Variants in LHX4 observed in about 807,000 individuals in gnomAD.
The protein encoded by LHX4 is LIM homeobox 4.
Under a neutral mutation model 39.2 loss-of-function variants are expected in LHX4, and 16 were observed. The ratio of observed to expected loss-of-function variants is 0.41; its 90% CI spans 0.28 to 0.62. LHX4 has a LOEUF of 0.62. Ranked by LOEUF, LHX4 falls within the 20% of genes least tolerant of loss-of-function variation. The pLI, the probability that LHX4 is intolerant of heterozygous loss-of-function variation, is 0.33. For missense variants in LHX4, 439 were observed against 511.9 expected, an observed-to-expected ratio of 0.86 and a Z score of 1.37; for synonymous variants, 206 against 198.1, an observed-to-expected ratio of 1.04 and a Z score of -0.33.
At chr1:180,240,203 A>G (rs1664415371) in intron 1 of LHX4, among the ~76,000 whole-genome samples, 1 of 152,200 alleles carries the variant, frequency 6.6e-6, no homozygotes. Context: ...ATTCCCTTTT[A>G]AAATTATTAT....
Position 180,266,365 on chromosome 1 carries a change from C to T in LHX4, c.249-27C>T. 6.2e-7 allele frequency: 1 copy of T among 1,612,976 alleles called. No homozygotes were observed. The highest frequency in any genetic ancestry group is 1.1e-5 in the South Asian group (1 of 91,046). On this transcript the variant is annotated intron_variant, in intron 2 of 5. Coordinates refer to ENST00000263726, the MANE Select transcript of LHX4 (RefSeq NM_033343.4). The surrounding 1 kb of genome is among the most constrained non-coding windows in gnomAD (Gnocchi z 5.7). ...GCCAGATCCCTTGCTCCCTGTGTGC[C>T]CTAATCCTTTCCTGCTGCCCTGACA...
chr1:180,248,162 T>A, intron 1 of LHX4, 123 bp from the exon 2 acceptor site: 1 of 854,056 alleles, frequency 1.2e-6, no homozygotes, highest in Non-Finnish European at 2.0e-6. Flanking sequence ...ATGCAACAGC[T>A]CTGCGGTTTG....
At chr1:180,238,510 G>A (rs1485073992) in intron 1 of LHX4, among the ~76,000 whole-genome samples, 3 of 152,172 alleles carry the variant, frequency 2.0e-5, no homozygotes, top group South Asian at 2.1e-4. Context: ...CCTTCAATGC[G>A]ATGCTAATTT....
chr1:180,230,472 C>T lies in LHX4; in HGVS notation c.-58C>T, dbSNP rs983247859. On this transcript the variant is annotated 5_prime_UTR_variant, in exon 1 of 6. Coordinates refer to ENST00000263726, the MANE Select transcript of LHX4 (RefSeq NM_033343.4). This position sits in a 1 kb window ranked among gnomAD's most constrained non-coding sequence, Gnocchi z 5.8. ...ATTATTTTGAAATTTCTGAATCGAGCTAGAGCGAGAGAGCGAGAGATCTCC... is the reference window on the plus strand; with the variant it reads ...ATTATTTTGAAATTTCTGAATCGAGTTAGAGCGAGAGAGCGAGAGATCTCC... 1 of 1,415,846 alleles carries T rather than the reference C, an allele frequency of 7.1e-7. No homozygotes were observed. Among genetic ancestry groups the T allele is most frequent in the African/African-American group, 1.4e-5 (1 of 71,138 alleles). The allele number at this position is 1,415,846 out of a possible 1,614,324, so 87.7% of individuals were successfully genotyped here. A position where few individuals can be genotyped will look rare whatever the true frequency, so the allele number is the denominator to read the frequency against.
rs1246010424 is a variant in LHX4 at position 180,239,698 on chromosome 1, G to A, written c.77-8587G>A. Among the ~76,000 whole-genome samples, 9 of 152,330 alleles carry A rather than the reference G, an allele frequency of 5.9e-5. No individual in the cohort carries two copies. The South Asian group carries it at 8.3e-4, about 14-fold the overall frequency. The stretch of plus-strand genomic sequence containing the variant: ...TCGGCCTCAAACTGTGTACCCGTAG[G>A]GAAGCCCCTTATTCTCAGAACCTTT... On this transcript the variant is annotated intron_variant, in intron 1 of 5. Coordinates refer to ENST00000263726, the MANE Select transcript of LHX4 (RefSeq NM_033343.4).
chr1:180,266,789 G>A lies in LHX4; in HGVS notation c.451+195G>A, dbSNP rs115179436. On this transcript the variant is annotated intron_variant, in intron 3 of 5. Coordinates refer to ENST00000263726, the MANE Select transcript of LHX4 (RefSeq NM_033343.4). This position sits in a 1 kb window ranked among gnomAD's most constrained non-coding sequence, Gnocchi z 5.7. ...AACACCTCCCCGGCCGTTAGCACTCGCCGGCTTCATGGAAGTGTTCATCCA... is the reference window on the plus strand; with the variant it reads ...AACACCTCCCCGGCCGTTAGCACTCACCGGCTTCATGGAAGTGTTCATCCA... Among the ~76,000 whole-genome samples the A allele has an allele frequency of 0.013, 2,044 of 152,282 alleles. 22 individuals carry two copies. Among genetic ancestry groups the A allele is most frequent in the Non-Finnish European group, 0.02 (1,366 of 68,008 alleles).
rs540263106 is a variant in LHX4, at chr1:180,247,211, T to TG, written c.77-1072dup. Among the ~76,000 whole-genome samples the TG allele has an allele frequency of 5.9e-5, 9 of 152,264 alleles. No individual in the cohort carries two copies. In the East Asian group the frequency reaches 1.7e-3, roughly 29 times the overall value. ...ACTATCAAATTCGCAAGCAATCCCTTGGAAAGATGGGATGGTGGAGAAACA... is the reference window on the plus strand; with the variant it reads ...ACTATCAAATTCGCAAGCAATCCCTTGGGAAAGATGGGATGGTGGAGAAACA... On this transcript the variant is annotated intron_variant, in intron 1 of 5. Coordinates refer to ENST00000263726, the MANE Select transcript of LHX4 (RefSeq NM_033343.4).
rs562884353 is a variant in LHX4 at position 180,243,050 on chromosome 1, G to A, written c.77-5235G>A. On this transcript the variant is annotated intron_variant, in intron 1 of 5. Coordinates refer to ENST00000263726, the MANE Select transcript of LHX4 (RefSeq NM_033343.4). ...GTCATCCAGGCTGGAGTGCAGGGGC[G>A]CTATCTGGGCTCACTGCAATTTCCA... 2.6e-5 allele frequency among the ~76,000 whole-genome samples: 4 copies of A among 152,162 alleles called. No individual in the cohort carries two copies. The South Asian group carries it at 6.2e-4, about 24-fold the overall frequency.
intron 2 of LHX4, among the ~76,000 whole-genome samples, chr1:180,249,074 G>A (rs992207501): frequency 6.6e-5 from 10 of 152,306 alleles, no homozygotes; most frequent in Admixed American, 2.0e-4. Context: ...ACTTATTGGC[G>A]GTGTGCTCTT....
At chr1:180,244,221 G>T (rs1007755643) in intron 1 of LHX4, among the ~76,000 whole-genome samples, 1 of 152,096 alleles carries the variant, frequency 6.6e-6, no homozygotes, top group African/African-American at 2.4e-5. Flanking sequence ...AATTATCTTT[G>T]TTTAATCCCC....
intron 2 of LHX4, among the ~76,000 whole-genome samples, chr1:180,257,437 C>A (rs908783413): frequency 7.9e-5 from 12 of 152,144 alleles, no homozygotes; most frequent in Non-Finnish European, 1.6e-4. Context: ...GGCTGTGTCC[C>A]CAGCCCCCGA....
At chr1:180,257,142 G>A (rs528563308) in intron 2 of LHX4, among the ~76,000 whole-genome samples, 5 of 152,262 alleles carry the variant, frequency 3.3e-5, no homozygotes, top group South Asian at 2.1e-4. Context: ...CCAAATGGAC[G>A]GGAGAGTTGG....
chr1:180,236,295 A>T (rs1463810809), intron 1 of LHX4, among the ~76,000 whole-genome samples: 2 of 152,200 alleles, frequency 1.3e-5, no homozygotes, highest in African/African-American at 4.8e-5. Flanking sequence ...TTGTATTTTG[A>T]ACAGTGACCC....
chr1:180,255,676 TC>T (rs1409741168), intron 2 of LHX4, among the ~76,000 whole-genome samples: 3 of 152,048 alleles, frequency 2.0e-5, no homozygotes, highest in African/African-American at 7.2e-5. Context: ...GCCCCGAAGC[TC>T]CCCCAGGGAC....
intron 2 of LHX4, among the ~76,000 whole-genome samples, chr1:180,259,813 G>A (rs549788180): frequency 1.3e-5 from 2 of 151,804 alleles, no homozygotes; most frequent in Non-Finnish European, 2.9e-5. Flanking sequence ...AGCCCAAGGG[G>A]AAGGGCAGTC....
At chr1:180,261,187 C>T (rs1317784631) in intron 2 of LHX4, among the ~76,000 whole-genome samples, 2 of 147,196 alleles carry the variant, frequency 1.4e-5, no homozygotes, top group Admixed American at 6.7e-5. Context: ...GCAGGTGTGT[C>T]GGGAGGCTCG....
chr1:180,245,350 C>G (rs1442731849), intron 1 of LHX4, among the ~76,000 whole-genome samples: 1 of 152,238 alleles, frequency 6.6e-6, no homozygotes, highest in East Asian at 1.9e-4. Context: ...CATGTGTCAC[C>G]TCCTCACCAA....
chr1:180,250,246 T>A (rs1647564856), intron 2 of LHX4, among the ~76,000 whole-genome samples: 1 of 152,078 alleles, frequency 6.6e-6, no homozygotes, highest in Admixed American at 6.6e-5. Context: ...TGCCTCTATT[T>A]TCCTTCCTCT....
At chr1:180,257,453 T>C (rs1427741950) in intron 2 of LHX4, among the ~76,000 whole-genome samples, 1 of 152,250 alleles carries the variant, frequency 6.6e-6, no homozygotes, top group Non-Finnish European at 1.5e-5. Context: ...CCCGAGGCTC[T>C]AAGATTCTCT....
Sources: gnomAD v4.1 joint callset for allele counts (sites outside exome capture counted in the v4.1 genomes callset) on GRCh38, gnomAD v4.1.1 for gene constraint, Gnocchi (gnomAD v3.1) non-coding constraint, MANE v1.5 for transcripts, NCBI Gene and HGNC (gene_info 2026-07-23, HGNC 2026-07-21) for gene names.